COL22A1: variants seen among roughly 807,000 people sequenced by gnomAD.
COL22A1 encodes the protein collagen alpha-1(XXII) chain.
Under a neutral mutation model 248.9 loss-of-function variants are expected in COL22A1, and 221 were observed. That is an observed-to-expected ratio of 0.89 (90% CI 0.80 to 0.99). The LOEUF is 0.99. Ranked by LOEUF, COL22A1 falls within the 50% of genes least tolerant of loss-of-function variation. The pLI is 0.00. For missense variants in COL22A1, 2,240 were observed against 2,179.0 expected, an observed-to-expected ratio of 1.03 and a Z score of -0.56; for synonymous variants, 891 against 793.4, an observed-to-expected ratio of 1.12 and a Z score of -2.07.
At chr8:138,702,081 T>C (rs113957901) in intron 31 of COL22A1, among the ~76,000 whole-genome samples, 57 of 152,336 alleles carry the variant, frequency 3.7e-4, no homozygotes, top group Middle Eastern at 3.4e-3. Context: ...CAAATATTTC[T>C]GCAGGATAAA....
At chr8:138,837,635 G>A (rs1311851656) in intron 4 of COL22A1, among the ~76,000 whole-genome samples, 4 of 152,180 alleles carry the variant, frequency 2.6e-5, no homozygotes, top group Admixed American at 2.0e-4. Flanking sequence ...GGCTGCCCCT[G>A]TATTGGGGCC....
Position 138,776,005 on chromosome 8 carries a change from G to A in COL22A1, c.1764C>T (p.Leu588=). 6.2e-7 allele frequency: 1 copy of A among 1,614,078 alleles called. No homozygotes were observed. The highest frequency in any genetic ancestry group is 1.3e-5 in the African/African-American group (1 of 75,026). ...GPPGRVGAPG[L]QGERGEKGTR... ...TTCCCTTTTCACCTCGTTCTCCTTG[G>A]AGACCCTGGGGGACAAAGAAAGAGC... Residue 588 remains leucine (L), a synonymous_variant, in exon 16 of 65, where the codon CTC becomes CTT. Coordinates refer to ENST00000303045, the MANE Select transcript of COL22A1 (RefSeq NM_152888.3).
intron 5 of COL22A1, among the ~76,000 whole-genome samples, chr8:138,830,036 T>C (rs1190351959): frequency 3.3e-5 from 5 of 152,176 alleles, no homozygotes; most frequent in Non-Finnish European, 7.3e-5. Flanking sequence ...GTCATTTTAA[T>C]CAGGGAGAAA....
chr8:138,854,831 G>A (rs561677828), intron 3 of COL22A1, among the ~76,000 whole-genome samples: 5 of 150,810 alleles, frequency 3.3e-5, no homozygotes, highest in South Asian at 4.2e-4. Context: ...TGATGGTGAC[G>A]ATGATGGTGA....
chr8:138,858,230 G>A (rs1215744472), intron 3 of COL22A1, among the ~76,000 whole-genome samples: 1 of 152,174 alleles, frequency 6.6e-6, no homozygotes, highest in African/African-American at 2.4e-5. Context: ...GAAACTCTCA[G>A]TATCTGCTCT....
intron 10 of COL22A1, among the ~76,000 whole-genome samples, chr8:138,805,907 T>G (rs1215604980): frequency 6.9e-6 from 1 of 145,090 alleles, no homozygotes; most frequent in Non-Finnish European, 1.5e-5. Context: ...GGTGTAGGTG[T>G]GATGGTGTAG....
At chr8:138,730,884 G>A (rs1417795685) in intron 23 of COL22A1, among the ~76,000 whole-genome samples, 1 of 152,006 alleles carries the variant, frequency 6.6e-6, no homozygotes, top group Non-Finnish European at 1.5e-5. Context: ...TGGCTAGATG[G>A]GAGGGGGAGG....
intron 34 of COL22A1, 67 bp downstream of exon 34, chr8:138,694,441 G>A (rs2130932135): frequency 6.7e-7 from 1 of 1,497,446 alleles, no homozygotes; most frequent in Non-Finnish European, 9.3e-7. Context: ...AGGGTGGCCT[G>A]GAGCGAGAGA....
intron 9 of COL22A1, among the ~76,000 whole-genome samples, chr8:138,810,014 T>C (rs1359711236): frequency 6.6e-6 from 1 of 152,134 alleles, no homozygotes; most frequent in Non-Finnish European, 1.5e-5. Flanking sequence ...TTCAATCTAA[T>C]GTGATAATTG....
intron 63 of COL22A1, among the ~76,000 whole-genome samples, chr8:138,592,721 T>C (rs964363352): frequency 1.4e-5 from 2 of 142,932 alleles, no homozygotes; most frequent in African/African-American, 3.0e-5. Flanking sequence ...CCCTGCCCCA[T>C]GCTTATTCCT....
intron 5 of COL22A1, among the ~76,000 whole-genome samples, chr8:138,830,637 G>T (rs372472534): frequency 6.6e-6 from 1 of 152,242 alleles, no homozygotes; most frequent in East Asian, 1.9e-4. Flanking sequence ...AGCATTGCCT[G>T]AATTCGGCCG....
intron 10 of COL22A1, among the ~76,000 whole-genome samples, chr8:138,803,679 G>T (rs1195380944): frequency 6.6e-6 from 1 of 152,122 alleles, no homozygotes; most frequent in Non-Finnish European, 1.5e-5. Context: ...AACTGTGTCT[G>T]CAAGGGAGGA....
intron 30 of COL22A1, among the ~76,000 whole-genome samples, chr8:138,709,921 C>T (rs1481065860): frequency 6.6e-6 from 1 of 152,148 alleles, no homozygotes; most frequent in African/African-American, 2.4e-5. Context: ...AGCACAATTA[C>T]ACATTTGAAG....
intron 49 of COL22A1, 131 bp from the exon 50 acceptor site, chr8:138,630,879 A>G: frequency 1.2e-6 from 1 of 814,398 alleles, no homozygotes; most frequent in South Asian, 1.4e-5. Flanking sequence ...TTGAAATGTG[A>G]TTCCCAATAT....
intron 12 of COL22A1, among the ~76,000 whole-genome samples, chr8:138,784,322 T>G (rs1350378309): frequency 6.6e-6 from 1 of 152,214 alleles, no homozygotes; most frequent in Non-Finnish European, 1.5e-5. Context: ...ATAGGGGATT[T>G]CTGTCATCAG....
intron 7 of COL22A1, among the ~76,000 whole-genome samples, chr8:138,815,270 G>A (rs779362699): frequency 7.2e-5 from 11 of 152,186 alleles, no homozygotes; most frequent in Non-Finnish European, 1.3e-4. Context: ...AGACACAGCA[G>A]ACTGAAGGAT....
At chr8:138,797,804 C>T (rs368508161) in intron 11 of COL22A1, among the ~76,000 whole-genome samples, 1 of 152,148 alleles carries the variant, frequency 6.6e-6, no homozygotes, top group East Asian at 1.9e-4. Context: ...TTCATTCCTC[C>T]TTTAAATTCT....
chr8:138,630,797 G>C, intron 49 of COL22A1, 49 bp from the exon 50 acceptor site: 1 of 1,498,544 alleles, frequency 6.7e-7, no homozygotes, highest in African/African-American at 1.4e-5. Flanking sequence ...CTAGACAGAG[G>C]TCATTAGCAC....
At chr8:138,631,786 C>G (rs1444120466) in intron 49 of COL22A1, among the ~76,000 whole-genome samples, 1 of 152,154 alleles carries the variant, frequency 6.6e-6, no homozygotes, top group African/African-American at 2.4e-5. Context: ...AACTGAAAGA[C>G]CTACCCTTCC....
Sources: allele counts gnomAD v4.1 joint callset (sites outside exome capture counted in the v4.1 genomes callset), GRCh38; gene constraint gnomAD v4.1.1; transcripts MANE v1.5; gene names NCBI Gene and HGNC (gene_info 2026-07-23, HGNC 2026-07-21).